Variants in NELL2 observed in about 807,000 individuals in gnomAD.
NELL2 encodes the protein neural EGFL like 2, also known as protein kinase C-binding protein NELL2.
In NELL2, 41 loss-of-function variants were observed where a neutral mutation model predicts 109.6. The observed-to-expected ratio is 0.37, with a 90% CI of 0.29 to 0.49. The LOEUF (loss-of-function observed/expected upper bound fraction) is 0.49, where lower values mean the gene tolerates loss of function less well. NELL2 is among the 20% of genes least tolerant of loss of function. The probability of loss-of-function intolerance (pLI) is 0.98; values close to 1 mark genes in which losing one functional copy is unlikely to be tolerated. For missense variants in NELL2, 900 were observed against 1,008.3 expected (o/e 0.89, Z 1.45); for synonymous variants, 355 against 344.7 (o/e 1.03, Z -0.33).
At chr12:44,832,717 AC>A (rs1446739396) in intron 2 of NELL2, among the ~76,000 whole-genome samples, 1 of 152,246 alleles carries the variant, frequency 6.6e-6, no homozygotes, top group African/African-American at 2.4e-5. Flanking sequence ...ACCACAATGA[AC>A]AAAACTAGAA....
At chr12:44,694,182 G>C (rs571616917) in intron 12 of NELL2, among the ~76,000 whole-genome samples, 1 of 152,256 alleles carries the variant, frequency 6.6e-6, no homozygotes, top group South Asian at 2.1e-4. Context: ...TGAATCTGTA[G>C]ACTGAGTAAA....
intron 13 of NELL2, among the ~76,000 whole-genome samples, chr12:44,632,576 T>C (rs1644312297): frequency 6.6e-6 from 1 of 152,032 alleles, no homozygotes; most frequent in African/African-American, 2.4e-5. Context: ...TGGAACCATG[T>C]CTGACATACT....
In NELL2 at chr12:44,789,988, C is replaced by A. The variant is rs191860609; in HGVS notation, c.336-9966G>T. ...GAAGTCTGGGATTATGTTAAATGAC[C>A]AAACCTAAGAATAGTTGGTGTTCTT... On this transcript the variant is annotated intron_variant, in intron 3 of 19. Transcript: ENST00000429094. 4.6e-5 allele frequency among the ~76,000 whole-genome samples: 7 copies of A among 152,010 alleles called. No individual in the cohort carries two copies. In the East Asian group the frequency reaches 1.4e-3, roughly 29 times the overall value.
At chr12:44,801,581 G>A (rs374870443) in intron 3 of NELL2, among the ~76,000 whole-genome samples, 2 of 151,992 alleles carry the variant, frequency 1.3e-5, no homozygotes, top group South Asian at 2.1e-4. Context: ...TTGTAACATC[G>A]GACATGAGCC....
chr12:44,682,029 C>T (rs1488549648), intron 12 of NELL2, among the ~76,000 whole-genome samples: 5 of 151,644 alleles, frequency 3.3e-5, no homozygotes, highest in Non-Finnish European at 7.3e-5. Context: ...TTTACAGTCC[C>T]ACCAACAGTG....
chr12:44,543,716 A>C (rs138433562), intron 15 of NELL2, among the ~76,000 whole-genome samples: 188 of 152,310 alleles, frequency 1.2e-3, no homozygotes, highest in African/African-American at 3.8e-3. Context: ...CTGGGAAGTC[A>C]TAGCAATCAG....
At chr12:44,909,588 T>A (rs1412354210) in intron 1 of NELL2, among the ~76,000 whole-genome samples, 1 of 151,778 alleles carries the variant, frequency 6.6e-6, no homozygotes, top group Admixed American at 6.6e-5. Context: ...GGAAAAAAAT[T>A]CTAAAATTCA....
At chr12:44,745,678 C>G (rs145266522) in intron 9 of NELL2, among the ~76,000 whole-genome samples, 13,180 of 151,690 alleles carry the variant, frequency 0.087, 1,411 homozygotes, top group African/African-American at 0.25. Flanking sequence ...GCCAAATCTC[C>G]AGTGAACTCC....
intron 13 of NELL2, among the ~76,000 whole-genome samples, chr12:44,663,505 G>A (rs939218016): frequency 6.6e-6 from 1 of 152,046 alleles, no homozygotes; most frequent in African/African-American, 2.4e-5. Context: ...TGGTTTCTTA[G>A]GCATAAAAAA....
intron 17 of NELL2, 53 bp downstream of exon 17, chr12:44,523,238 A>G: frequency 6.3e-7 from 1 of 1,581,548 alleles, no homozygotes; most frequent in East Asian, 2.2e-5. Context: ...CACTTAAAAC[A>G]TATGCAAATT....
chr12:44,844,352 TAAC>T (rs1050755359), intron 2 of NELL2, among the ~76,000 whole-genome samples: 2 of 152,126 alleles, frequency 1.3e-5, no homozygotes, highest in East Asian at 3.9e-4. Flanking sequence ...ACTTATTACT[TAAC>T]AATAAAAAGG....
intron 9 of NELL2, among the ~76,000 whole-genome samples, chr12:44,720,565 T>C (rs1592395875): frequency 6.6e-6 from 1 of 152,160 alleles, no homozygotes; most frequent in Non-Finnish European, 1.5e-5. Flanking sequence ...CTTACTAACA[T>C]GAATAATGCA....
chr12:44,732,122 A>G (rs1939401267), intron 9 of NELL2, among the ~76,000 whole-genome samples: 4 of 152,074 alleles, frequency 2.6e-5, no homozygotes, highest in Non-Finnish European at 5.9e-5. Flanking sequence ...GTTGGAAGAC[A>G]TTGTTAAAAT....
chr12:44,578,966 T>C (rs1159164106), intron 15 of NELL2, among the ~76,000 whole-genome samples: 2 of 152,166 alleles, frequency 1.3e-5, no homozygotes, highest in African/African-American at 4.8e-5. Context: ...TCAGGGGCAT[T>C]CTTTTGTTTG....
chr12:44,677,485 T>G (rs1948356448), intron 12 of NELL2, among the ~76,000 whole-genome samples: 1 of 152,144 alleles, frequency 6.6e-6, no homozygotes, highest in South Asian at 2.1e-4. Flanking sequence ...ATTCTATGCC[T>G]ATTTAAGCAT....
chr12:44,597,260 A>C (rs753385738), intron 15 of NELL2, among the ~76,000 whole-genome samples: 1 of 151,996 alleles, frequency 6.6e-6, no homozygotes, highest in Non-Finnish European at 1.5e-5. Context: ...AGCACCTTTC[A>C]TTTTTCTTAT....
At chr12:44,833,139 G>C (rs1023231783) in intron 2 of NELL2, among the ~76,000 whole-genome samples, 5 of 152,214 alleles carry the variant, frequency 3.3e-5, no homozygotes, top group African/African-American at 1.2e-4. Flanking sequence ...ACAAATAAAT[G>C]TTTTGCTTTT....
intron 12 of NELL2, among the ~76,000 whole-genome samples, chr12:44,695,527 T>A (rs1949037651): frequency 6.6e-6 from 1 of 151,994 alleles, no homozygotes; most frequent in Non-Finnish European, 1.5e-5. Context: ...CAAGACCCCA[T>A]CTCTACCAAA....
chr12:44,615,574 A>G (rs1179913691), intron 13 of NELL2, among the ~76,000 whole-genome samples: 1 of 152,120 alleles, frequency 6.6e-6, no homozygotes, highest in African/African-American at 2.4e-5. Context: ...TTGCTATGTA[A>G]TTGATTGCCC....
Sources: allele counts gnomAD v4.1 joint callset (sites outside exome capture counted in the v4.1 genomes callset), GRCh38; gene constraint gnomAD v4.1.1; transcripts MANE v1.5; gene names NCBI Gene and HGNC (gene_info 2026-07-23, HGNC 2026-07-21).